BCL2L13: variants seen among roughly 807,000 people sequenced by gnomAD.
The protein encoded by BCL2L13 is bcl-2-like protein 13.
Under a neutral mutation model 25.8 loss-of-function variants are expected in BCL2L13, and 13 were observed. The ratio of observed to expected loss-of-function variants is 0.50; its 90% CI spans 0.33 to 0.80. The LOEUF (loss-of-function observed/expected upper bound fraction) is 0.80, where lower values mean the gene tolerates loss of function less well. Ranked by LOEUF, BCL2L13 falls within the 30% of genes least tolerant of loss-of-function variation. BCL2L13 has a pLI of 0.02. For missense variants in BCL2L13, 504 were observed against 574.9 expected, an observed-to-expected ratio of 0.88 and a Z score of 1.26; for synonymous variants, 244 against 230.3, an observed-to-expected ratio of 1.06 and a Z score of -0.54.
At chr22:17,631,691 TATATATATATATATA>T (rs1453299575) in intron 1 of BCL2L13, among the ~76,000 whole-genome samples, 21 of 65,684 alleles carry the variant, frequency 3.2e-4, no homozygotes, top group Admixed American at 1.3e-3. Context: ...TATATATATA[TATATATATATATATA>T]TTTTTTTTTT....
chr22:17,629,956 C>G (rs534819829), intron 1 of BCL2L13, among the ~76,000 whole-genome samples: 1 of 152,012 alleles, frequency 6.6e-6, no homozygotes, highest in Non-Finnish European at 1.5e-5. Flanking sequence ...CGGTGTCTCA[C>G]GCCTGTAATC....
At chr22:17,657,085 C>T (rs544671988) in intron 2 of BCL2L13, among the ~76,000 whole-genome samples, 1 of 152,350 alleles carries the variant, frequency 6.6e-6, no homozygotes, top group Non-Finnish European at 1.5e-5. Context: ...TCTCAAAGTG[C>T]TGGGATTACA....
At chr22:17,707,908 A>G (rs1281554860) in intron 6 of BCL2L13, among the ~76,000 whole-genome samples, 1 of 152,212 alleles carries the variant, frequency 6.6e-6, no homozygotes, top group Non-Finnish European at 1.5e-5. Flanking sequence ...AAGTGAAACA[A>G]AAAAATACAA....
intron 1 of BCL2L13, among the ~76,000 whole-genome samples, chr22:17,641,045 C>T (rs570864380): frequency 1.1e-4 from 17 of 152,008 alleles, no homozygotes; most frequent in South Asian, 4.2e-4. Context: ...TGCCCGCCAC[C>T]GCGACAGGCT....
At position 17,689,053 on chromosome 22, in the gene BCL2L13, A is replaced by G; in HGVS notation, c.297A>G (p.Ser99=). The part of the protein sequence containing the change: ...PVFSPANPES[S]MEDCLAHLGE... ...TCAGCCCTGCCAATCCAGAAAGCTC[A>G]ATGGAAGACTGCTTGGCCCATCTTG... Residue 99 remains serine (S), a synonymous_variant, in exon 4 of 7, where the codon TCA becomes TCG. Transcript: ENST00000317582. The G allele has an allele frequency of 6.2e-7, 1 of 1,612,614 alleles. No individual in the cohort carries two copies. Among genetic ancestry groups the G allele is most frequent in the South Asian group, 1.1e-5 (1 of 91,062 alleles).
intron 5 of BCL2L13, among the ~76,000 whole-genome samples, chr22:17,697,596 A>G (rs1214658133): frequency 1.3e-5 from 2 of 152,190 alleles, no homozygotes; most frequent in Admixed American, 6.5e-5. Context: ...GAGATAATAC[A>G]TGTTCAGTAC....
At chr22:17,688,768 GT>G (rs372765646) in intron 3 of BCL2L13, among the ~76,000 whole-genome samples, 106 of 133,540 alleles carry the variant, frequency 7.9e-4, no homozygotes, top group Admixed American at 8.5e-4. Context: ...TGATATTGTT[GT>G]TTTTTTTTTT....
Position 17,656,855 on chromosome 22 carries a change from G to C in BCL2L13, c.121+1023G>C, listed in dbSNP as rs559103350. On this transcript the variant is annotated intron_variant, in intron 2 of 6. Transcript: ENST00000317582. ...TTTTTTTGAGATGGAGTCTCACTCT[G>C]TTGCCCAGGCTGGAGTGTAATGGCA... is the stretch of plus-strand genomic sequence containing the variant. Among the ~76,000 whole-genome samples the C allele has an allele frequency of 6.6e-5, 10 of 152,070 alleles. No individual in the cohort carries two copies. The South Asian group carries it at 2.1e-3, about 32-fold the overall frequency.
At chr22:17,658,783 G>A (rs555494772) in intron 2 of BCL2L13, among the ~76,000 whole-genome samples, 1 of 151,830 alleles carries the variant, frequency 6.6e-6, no homozygotes, top group African/African-American at 2.4e-5. Context: ...ATTGGGCCAG[G>A]CACGGTGGCT....
intron 5 of BCL2L13, among the ~76,000 whole-genome samples, chr22:17,700,476 A>G (rs1164156093): frequency 2.0e-5 from 3 of 152,238 alleles, no homozygotes; most frequent in East Asian, 3.8e-4. Context: ...GAGCTTAAAC[A>G]TGAATAACTT....
At chr22:17,718,645 G>T (rs935626036) in intron 6 of BCL2L13, among the ~76,000 whole-genome samples, 2 of 152,196 alleles carry the variant, frequency 1.3e-5, no homozygotes, top group Admixed American at 1.3e-4. Context: ...GCCATGTGGG[G>T]TTTGAAGTCT....
rs752881083 is a variant in BCL2L13, at chr22:17,659,056, T to TAA, written c.121+3250_121+3251dup. ...CTGGACGACAGAGCAAGACTCCATC[T>TAA]AAAAAAAAAAAAAAAAAAAAAAAAA... On this transcript the variant is annotated intron_variant, in intron 2 of 6. Coordinates refer to ENST00000317582, the MANE Select transcript of BCL2L13 (RefSeq NM_015367.4). Among the ~76,000 whole-genome samples the TAA allele has an allele frequency of 3.3e-3, 93 of 28,112 alleles. 3 individuals are homozygous for TAA. The highest frequency in any genetic ancestry group is 0.01 in the South Asian group (7 of 684). 18.4% of individuals were successfully genotyped at this position (28,112 alleles called of 152,430 possible). A position where few individuals can be genotyped will look rare whatever the true frequency, so the allele number is the denominator to read the frequency against.
intron 6 of BCL2L13, among the ~76,000 whole-genome samples, chr22:17,720,510 C>T (rs2061089846): frequency 1.3e-5 from 2 of 152,072 alleles, no homozygotes; most frequent in Admixed American, 1.3e-4. Context: ...GCATGTGCCA[C>T]CATGCCTGGC....
At position 17,726,682 on chromosome 22, in the gene BCL2L13, T is replaced by C. The variant is rs2061308291; in HGVS notation, c.606T>C (p.Thr202=). 6.2e-7 allele frequency: 1 copy of C among 1,609,730 alleles called. No homozygotes were observed. The highest frequency in any genetic ancestry group is 1.7e-5 in the Admixed American group (1 of 59,814). Residue 202 remains threonine (T), a synonymous_variant, in exon 7 of 7, where the codon ACT becomes ACC. Transcript: ENST00000317582. ...CGCTTGTCCTTCGTTTCTAGGGCAC[T>C]GTGTTTAGTCTTGAGTCAGAGGAGG... ...EYIIQQGGWG[T]VFSLESEEEE...
intron 5 of BCL2L13, 124 bp downstream of exon 5, chr22:17,696,334 TTA>T: frequency 1.2e-6 from 1 of 820,234 alleles, no homozygotes; most frequent in Non-Finnish European, 2.0e-6. Context: ...CAAATCTATG[TTA>T]AGGGGATATT....
chr22:17,687,022 A>G (rs2059961893), intron 3 of BCL2L13, among the ~76,000 whole-genome samples: 1 of 152,156 alleles, frequency 6.6e-6, no homozygotes, highest in Admixed American at 6.6e-5. Context: ...ACAACAAAGT[A>G]TTTGTGAACT....
chr22:17,664,262 G>A lies in BCL2L13; in HGVS notation c.121+8430G>A, dbSNP rs560630982. Among the ~76,000 whole-genome samples the A allele has an allele frequency of 3.3e-5, 5 of 152,318 alleles. No homozygotes were observed. The East Asian group carries it at 9.6e-4, about 29-fold the overall frequency. Reference sequence around the variant, plus strand: ...GGCCTCCCAAAGTGCTGGGATTACAGGTGTGAGCCACCGTGCCCAGCTGGC... The same window carrying A: ...GGCCTCCCAAAGTGCTGGGATTACAAGTGTGAGCCACCGTGCCCAGCTGGC... On this transcript the variant is annotated intron_variant, in intron 2 of 6. Coordinates refer to ENST00000317582, the MANE Select transcript of BCL2L13 (RefSeq NM_015367.4).
chr22:17,711,345 T>C (rs1463996511), intron 6 of BCL2L13, among the ~76,000 whole-genome samples: 2 of 144,480 alleles, frequency 1.4e-5, no homozygotes, highest in African/African-American at 5.1e-5. Flanking sequence ...TTGGCCAGGC[T>C]GGAGCGCAGT....
At chr22:17,716,230 C>T (rs141353645) in intron 6 of BCL2L13, among the ~76,000 whole-genome samples, 13 of 152,230 alleles carry the variant, frequency 8.5e-5, no homozygotes, top group Middle Eastern at 3.4e-3. Flanking sequence ...CTGCTGGAGC[C>T]GGATCAGGGT....
Sources: allele counts gnomAD v4.1 joint callset (sites outside exome capture counted in the v4.1 genomes callset), GRCh38; gene constraint gnomAD v4.1.1; transcripts MANE v1.5; gene names NCBI Gene and HGNC (gene_info 2026-07-23, HGNC 2026-07-21).